Variants in LRRC7 observed in about 807,000 individuals in gnomAD.
The protein encoded by LRRC7 is leucine-rich repeat-containing protein 7.
A neutral mutation model predicts 175.7 loss-of-function variants in LRRC7; 23 were observed. The observed-to-expected ratio is 0.13, with a 90% CI of 0.09 to 0.19. LRRC7 has a LOEUF of 0.19. Ranked by LOEUF, LRRC7 falls within the 10% of genes least tolerant of loss-of-function variation. The probability of loss-of-function intolerance (pLI) is 1.00; values close to 1 mark genes in which losing one functional copy is unlikely to be tolerated. For synonymous variants in LRRC7, 685 were observed against 680.9 expected (o/e 1.01, Z -0.09); for missense variants, 1,354 against 1,904.7 (o/e 0.71, Z 5.38).
chr1:69,974,475 C>T (rs1318569939), intron 8 of LRRC7, among the ~76,000 whole-genome samples: 1 of 152,186 alleles, frequency 6.6e-6, no homozygotes, highest in Non-Finnish European at 1.5e-5. Flanking sequence ...TCTTATAGCA[C>T]TTTCACTAGC....
At chr1:69,601,058 C>T (rs971226042) in intron 1 of LRRC7, among the ~76,000 whole-genome samples, 10 of 152,128 alleles carry the variant, frequency 6.6e-5, no homozygotes, top group East Asian at 1.9e-4. Flanking sequence ...TCAGGTGATC[C>T]GCCTGCCTCA....
intron 17 of LRRC7, among the ~76,000 whole-genome samples, chr1:70,024,478 C>T (rs569306021): frequency 1.8e-4 from 27 of 151,596 alleles, no homozygotes; most frequent in East Asian, 1.2e-3. Context: ...AAGAATGTTG[C>T]GAAACATTTC....
intron 3 of LRRC7, among the ~76,000 whole-genome samples, chr1:69,763,187 T>C (rs1278731217): frequency 6.6e-6 from 1 of 152,054 alleles, no homozygotes; most frequent in Admixed American, 6.6e-5. Flanking sequence ...ATAGGTTTGA[T>C]TGGCTCTCGT....
At chr1:69,957,569 A>C (rs1160598000) in intron 8 of LRRC7, among the ~76,000 whole-genome samples, 1 of 151,884 alleles carries the variant, frequency 6.6e-6, no homozygotes, top group Non-Finnish European at 1.5e-5. Context: ...ATGCTCCTAT[A>C]CTAGATATTG....
In LRRC7 at chr1:69,989,479, G is replaced by A. The variant is rs796320569; in HGVS notation, c.931+3093G>A. Among the ~76,000 whole-genome samples, 79 of 152,146 alleles carry A rather than the reference G, an allele frequency of 5.2e-4. 1 individual carries two copies. The highest frequency in any genetic ancestry group is 1.8e-3 in the African/African-American group (74 of 41,536). On this transcript the variant is annotated intron_variant, in intron 10 of 26. Transcript: ENST00000651989. ...CATAGGGTAATTTTAAAATACAACAGCTATAATGAAGAAAGTATGATATAG... is the reference window on the plus strand; with the variant it reads ...CATAGGGTAATTTTAAAATACAACAACTATAATGAAGAAAGTATGATATAG...
At chr1:69,608,995 A>T (rs10889842) in intron 1 of LRRC7, among the ~76,000 whole-genome samples, 37,548 of 149,202 alleles carry the variant, frequency 0.25, 5,266 homozygotes, top group East Asian at 0.36. Flanking sequence ...ACCTAACATG[A>T]TATGATTTTA....
At chr1:69,966,684 T>C (rs1429675252) in intron 8 of LRRC7, among the ~76,000 whole-genome samples, 1 of 152,176 alleles carries the variant, frequency 6.6e-6, no homozygotes, top group Non-Finnish European at 1.5e-5. Flanking sequence ...GAAAGGGAGA[T>C]TGTCCGCCCC....
chr1:70,074,731 A>G (rs1571247803), intron 23 of LRRC7, among the ~76,000 whole-genome samples: 2 of 152,292 alleles, frequency 1.3e-5, no homozygotes, highest in Non-Finnish European at 1.5e-5. Flanking sequence ...TTTGCCTTAC[A>G]TATTGCCAAA....
In LRRC7 at chr1:69,702,292, C is replaced by T. The variant is rs553199961; in HGVS notation, c.100+23814C>T. On this transcript the variant is annotated intron_variant, in intron 2 of 26. Coordinates refer to ENST00000651989, the MANE Select transcript of LRRC7 (RefSeq NM_001370785.2). ...GTTTACTGTCAAGCAAGACAGAACA[C>T]ATCATCAAGTGCATCAGTTCTTACT... 8.5e-5 allele frequency among the ~76,000 whole-genome samples: 13 copies of T among 152,310 alleles called. 1 individual carries two copies. Among genetic ancestry groups the T allele is most frequent in the South Asian group, 8.3e-4 (4 of 4,834 alleles).
intron 2 of LRRC7, among the ~76,000 whole-genome samples, chr1:69,726,992 G>A (rs1171401604): frequency 1.3e-5 from 2 of 152,164 alleles, no homozygotes; most frequent in African/African-American, 2.4e-5. Flanking sequence ...ATTATTGGGT[G>A]GTTCTGGGTA....
chr1:69,712,391 G>T (rs1188368819), intron 2 of LRRC7, among the ~76,000 whole-genome samples: 1 of 152,144 alleles, frequency 6.6e-6, no homozygotes, highest in East Asian at 1.9e-4. Flanking sequence ...ATCACCTGAG[G>T]TCAGGAGTTT....
At chr1:69,922,596 A>C (rs2101740438) in intron 7 of LRRC7, among the ~76,000 whole-genome samples, 1 of 152,282 alleles carries the variant, frequency 6.6e-6, no homozygotes, top group East Asian at 1.9e-4. Context: ...GGAATAAATA[A>C]TTTTGAGTGA....
intron 7 of LRRC7, among the ~76,000 whole-genome samples, chr1:69,929,217 A>G (rs2101764699): frequency 6.6e-6 from 1 of 152,316 alleles, no homozygotes; most frequent in South Asian, 2.1e-4. Context: ...GAATTCAGTG[A>G]GCTGGTAAGC....
At position 70,132,213 on chromosome 1, in the gene LRRC7, G is replaced by C. The variant is rs984709804; in HGVS notation, c.*10326G>C. 1.3e-5 allele frequency: 2 copies of C among 152,144 alleles called. No homozygotes were observed. The highest frequency in any genetic ancestry group is 2.4e-5 in the African/African-American group (1 of 41,390). 9.4% of individuals were successfully genotyped at this position (152,144 alleles called of 1,614,324 possible). On this transcript the variant is annotated 3_prime_UTR_variant, in exon 27 of 27. Coordinates refer to ENST00000651989, the MANE Select transcript of LRRC7 (RefSeq NM_001370785.2). Reference sequence around the variant, plus strand: ...CTCTCTCTTGGCCAGAGGAGTAATCGTTCAGCTCTTCTTGGTTTCTGCCTT... The same window carrying C: ...CTCTCTCTTGGCCAGAGGAGTAATCCTTCAGCTCTTCTTGGTTTCTGCCTT...
chr1:69,932,972 GC>G (rs1226819972), intron 8 of LRRC7, among the ~76,000 whole-genome samples: 3 of 152,192 alleles, frequency 2.0e-5, no homozygotes, highest in Non-Finnish European at 2.9e-5. Flanking sequence ...AGGAGCATTG[GC>G]CATCTTCCTC....
At chr1:70,025,880 A>G (rs895296028) in intron 17 of LRRC7, among the ~76,000 whole-genome samples, 1 of 151,952 alleles carries the variant, frequency 6.6e-6, no homozygotes, top group African/African-American at 2.4e-5. Flanking sequence ...GACTATGTAA[A>G]TAATAGGGTC....
intron 1 of LRRC7, among the ~76,000 whole-genome samples, chr1:69,624,902 C>T (rs1362159151): frequency 1.3e-5 from 2 of 151,982 alleles, no homozygotes; most frequent in African/African-American, 4.8e-5. Context: ...TTACTGTAAC[C>T]TTATATTAAT....
At chr1:69,727,567 C>G (rs552073114) in intron 2 of LRRC7, among the ~76,000 whole-genome samples, 1 of 152,300 alleles carries the variant, frequency 6.6e-6, no homozygotes, top group South Asian at 2.1e-4. Context: ...CCTATAGCCA[C>G]TCCCATTAAT....
chr1:69,845,036 G>T (rs1682186132), intron 7 of LRRC7, among the ~76,000 whole-genome samples: 1 of 152,062 alleles, frequency 6.6e-6, no homozygotes, highest in African/African-American at 2.4e-5. Flanking sequence ...AATCACTTGA[G>T]CCCAGGAGTT....
Sources: allele counts gnomAD v4.1 joint callset (sites outside exome capture counted in the v4.1 genomes callset), GRCh38; gene constraint gnomAD v4.1.1; transcripts MANE v1.5; gene names NCBI Gene and HGNC (gene_info 2026-07-23, HGNC 2026-07-21).